The following AXIN1 variants were observed in gnomAD, a reference collection of about 807,000 sequenced individuals.
AXIN1 encodes axin 1.
In AXIN1, 30 loss-of-function variants were observed where a neutral mutation model predicts 76.4. The ratio of observed to expected loss-of-function variants is 0.39; its 90% CI spans 0.29 to 0.53. The LOEUF is 0.53. Ranked by LOEUF, AXIN1 falls within the 20% of genes least tolerant of loss-of-function variation. AXIN1 has a pLI of 0.66. For missense variants in AXIN1, 1,140 were observed against 1,198.8 expected, an observed-to-expected ratio of 0.95 and a Z score of 0.72; for synonymous variants, 545 against 501.4, an observed-to-expected ratio of 1.09 and a Z score of -1.16.
chr16:320,743 A>ATATATTTTTTTTTTT (rs397722732), intron 2 of AXIN1, among the ~76,000 whole-genome samples: 10 of 107,622 alleles, frequency 9.3e-5, no homozygotes, highest in African/African-American at 4.6e-4. Context: ...ATATATATAT[A>ATATATTTTTTTTTTT]TTTTTTTTTT....
rs79294792 is a variant in AXIN1 at position 291,536 on chromosome 16, T to A, written c.2187-239A>T. 1,039 of 562,780 alleles carry A rather than the reference T, an allele frequency of 1.8e-3. 18 individuals are homozygous for A. In the East Asian group the frequency reaches 0.028, roughly 15 times the overall value. The allele number at this position is 562,780 out of a possible 1,614,324, so 34.9% of individuals were successfully genotyped here. A position where few individuals can be genotyped will look rare whatever the true frequency, so the allele number is the denominator to read the frequency against. On this transcript the variant is annotated intron_variant, in intron 8 of 10. Transcript: ENST00000262320. ...ATGATCCCGGCACCAACCCCCTGAGTTCCCTGGACCGCACTTTGGGGAGCT... is the reference window on the plus strand; with the variant it reads ...ATGATCCCGGCACCAACCCCCTGAGATCCCTGGACCGCACTTTGGGGAGCT...
intron 9 of AXIN1, 69 bp downstream of exon 9, chr16:291,121 G>A (rs1436063697): frequency 1.8e-5 from 27 of 1,461,142 alleles, no homozygotes; most frequent in Admixed American, 9.8e-5. Flanking sequence ...GCGGCTCTAC[G>A]ATGGGACCTG....
intron 4 of AXIN1, among the ~76,000 whole-genome samples, chr16:308,357 T>C (rs114018447): frequency 0.021 from 3,215 of 152,350 alleles, 102 homozygotes; most frequent in African/African-American, 0.074. Flanking sequence ...GCTTCTGTCC[T>C]TCCTGACCCT....
intron 1 of AXIN1, among the ~76,000 whole-genome samples, chr16:351,742 C>G (rs1316029663): frequency 7.1e-6 from 1 of 141,186 alleles, no homozygotes. Flanking sequence ...CCCATCTCTA[C>G]AAAAAATATA....
At chr16:288,923 T>C (rs1422714831) in intron 10 of AXIN1, among the ~76,000 whole-genome samples, 1 of 152,208 alleles carries the variant, frequency 6.6e-6, no homozygotes, top group Non-Finnish European at 1.5e-5. Flanking sequence ...GCCTCTGTTT[T>C]CCCACCCCGA....
rs2052411882 is a variant in AXIN1 at position 287,507 on chromosome 16, G to A, written c.*615C>T. On this transcript the variant is annotated 3_prime_UTR_variant, in exon 11 of 11. Coordinates refer to ENST00000262320, the MANE Select transcript of AXIN1 (RefSeq NM_003502.4). ...TTTGAAAAGATAATTAATTGTACAA[G>A]TGTCATCGCATGAAAAACAGACTCG... 1.2e-5 allele frequency: 4 copies of A among 339,604 alleles called. No individual in the cohort carries two copies. Among genetic ancestry groups the A allele is most frequent in the Middle Eastern group, 7.8e-4 (1 of 1,286 alleles). 21.0% of individuals were successfully genotyped at this position (339,604 alleles called of 1,614,324 possible). A position where few individuals can be genotyped will look rare whatever the true frequency, so the allele number is the denominator to read the frequency against.
intron 3 of AXIN1, among the ~76,000 whole-genome samples, chr16:310,571 G>C (rs1029197852): frequency 6.6e-6 from 1 of 152,188 alleles, no homozygotes; most frequent in Admixed American, 6.5e-5. Flanking sequence ...TAATTTTTTT[G>C]TATTTTTAGT....
intron 4 of AXIN1, among the ~76,000 whole-genome samples, chr16:309,277 A>G (rs943527816): frequency 1.4e-5 from 2 of 147,350 alleles, no homozygotes; most frequent in African/African-American, 5.1e-5. Flanking sequence ...TTGCAGTGAC[A>G]GCAAAACTCC....
chr16:350,055 G>A (rs1322370096), intron 1 of AXIN1, among the ~76,000 whole-genome samples: 7 of 152,190 alleles, frequency 4.6e-5, no homozygotes, highest in Non-Finnish European at 8.8e-5. Context: ...CTCCCAAAGT[G>A]TTGGGATTAC....
chr16:313,034 C>T (rs905371509), intron 3 of AXIN1, among the ~76,000 whole-genome samples: 4 of 152,248 alleles, frequency 2.6e-5, no homozygotes, highest in Non-Finnish European at 1.5e-5. Context: ...CATCATCAGC[C>T]GGATGCAGTG....
chr16:288,900 G>A (rs1036215963), intron 10 of AXIN1, among the ~76,000 whole-genome samples: 5 of 152,242 alleles, frequency 3.3e-5, no homozygotes, highest in African/African-American at 9.6e-5. Flanking sequence ...GACCATCGTC[G>A]TCTAGGGGTC....
chr16:329,272 C>CAA lies in AXIN1; in HGVS notation c.879-14591_879-14590dup, dbSNP rs1176095680. Among the ~76,000 whole-genome samples, 366 of 71,036 alleles carry CAA rather than the reference C, an allele frequency of 5.2e-3. 5 individuals carry two copies. Among genetic ancestry groups the CAA allele is most frequent in the African/African-American group, 0.013 (243 of 18,880 alleles). 46.6% of individuals were successfully genotyped at this position (71,036 alleles called of 152,430 possible). On this transcript the variant is annotated intron_variant, in intron 2 of 10. Transcript: ENST00000262320. Reference sequence around the variant, plus strand: ...AGCCTGGGCGACAGAGCGAGACTGTCAAAAAAAAAAAAAAAAAAAAAAAGA... The same window carrying CAA: ...AGCCTGGGCGACAGAGCGAGACTGTCAAAAAAAAAAAAAAAAAAAAAAAAAGA...
chr16:295,139 C>T (rs895734745), intron 7 of AXIN1, among the ~76,000 whole-genome samples: 6 of 149,568 alleles, frequency 4.0e-5, no homozygotes, highest in African/African-American at 1.2e-4. Flanking sequence ...GCTCTTGTTG[C>T]CCAGGCTGCA....
Position 345,801 on chromosome 16 carries a change from C to A in AXIN1, c.878+347G>T, listed in dbSNP as rs2034258334. 2.0e-5 allele frequency among the ~76,000 whole-genome samples: 3 copies of A among 151,984 alleles called. No homozygotes were observed. In the South Asian group the frequency reaches 6.2e-4, roughly 32 times the overall value. ...TCCTCCCTTTATTAAGCGGAAAGGA[C>A]CATGTCTACTGGGTAGATCCAGCTC... On this transcript the variant is annotated intron_variant, in intron 2 of 10. Transcript: ENST00000262320.
At chr16:340,355 T>C (rs889925235) in intron 2 of AXIN1, among the ~76,000 whole-genome samples, 2 of 152,032 alleles carry the variant, frequency 1.3e-5, no homozygotes, top group East Asian at 1.9e-4. Flanking sequence ...CACACGAAAA[T>C]ATCCAGGAAG....
chr16:333,445 A>G (rs951072230), intron 2 of AXIN1, among the ~76,000 whole-genome samples: 3 of 152,134 alleles, frequency 2.0e-5, no homozygotes, highest in Admixed American at 6.5e-5. Flanking sequence ...GAAAAAAAAA[A>G]AAAAGAAAAG....
chr16:321,590 G>A (rs1490172258), intron 2 of AXIN1, among the ~76,000 whole-genome samples: 3 of 152,194 alleles, frequency 2.0e-5, no homozygotes, highest in Non-Finnish European at 4.4e-5. Flanking sequence ...GGTAGAAGGT[G>A]GATTCCAACC....
chr16:339,222 G>C (rs1396995690), intron 2 of AXIN1, among the ~76,000 whole-genome samples: 1 of 120,114 alleles, frequency 8.3e-6, no homozygotes, highest in Non-Finnish European at 1.8e-5. Context: ...AAAAAAAAAA[G>C]GCCGGGCGTG....
rs138987574 is a variant in AXIN1, at chr16:333,802, C to T, written c.878+12346G>A. Among the ~76,000 whole-genome samples, 158 of 152,074 alleles carry T rather than the reference C, an allele frequency of 1.0e-3. 1 individual carries two copies. Among genetic ancestry groups the T allele is most frequent in the African/African-American group, 3.7e-3 (153 of 41,404 alleles). On this transcript the variant is annotated intron_variant, in intron 2 of 10. Transcript: ENST00000262320. ...ACCACAGCACAACAGTAACACAGCA[C>T]GAGGTACCACAGCATGCCAATAACA...
Sources: allele counts gnomAD v4.1 joint callset (sites outside exome capture counted in the v4.1 genomes callset), GRCh38; gene constraint gnomAD v4.1.1; transcripts MANE v1.5; gene names NCBI Gene and HGNC (gene_info 2026-07-23, HGNC 2026-07-21).